CUX1: variants seen among roughly 807,000 people sequenced by gnomAD.
CUX1 encodes the protein cut like homeobox 1, also known as protein CASP.
CUX1 carries 31 observed loss-of-function variants against 158.8 expected under a neutral mutation model. The observed-to-expected ratio is 0.20, with a 90% CI of 0.15 to 0.26. The LOEUF is 0.26. Ranked by LOEUF, CUX1 falls within the 10% of genes least tolerant of loss-of-function variation. The pLI, the probability that CUX1 is intolerant of heterozygous loss-of-function variation, is 1.00. For synonymous variants in CUX1, 879 were observed against 862.1 expected, an observed-to-expected ratio of 1.02 and a Z score of -0.34; for missense variants, 1,589 against 2,014.6, an observed-to-expected ratio of 0.79 and a Z score of 4.04.
Position 101,963,650 on chromosome 7 carries a change from G to GTGTA in CUX1, c.141+47426_141+47427insGTAT, listed in dbSNP as rs541754750. On this transcript the variant is annotated intron_variant, in intron 2 of 23. Coordinates refer to ENST00000292535, the MANE Select transcript of CUX1 (RefSeq NM_181552.4). Reference sequence around the variant, plus strand: ...TTAGTACCTGTCAACACAAGCCTATGTATATATATATATATTTTAAGAGAC... The same window carrying GTGTA: ...TTAGTACCTGTCAACACAAGCCTATGTGTATATATATATATATATTTTAAGAGAC... Among the ~76,000 whole-genome samples the GTGTA allele has an allele frequency of 6.6e-5, 10 of 151,002 alleles. 1 individual carries two copies. The highest frequency in any genetic ancestry group is 2.4e-4 in the African/African-American group (10 of 41,188).
downstream of CUX1, among the ~76,000 whole-genome samples, chr7:102,260,024 G>A (rs1236238322): frequency 4.0e-5 from 6 of 151,824 alleles, no homozygotes; most frequent in African/African-American, 1.2e-4. Context: ...CTGCCCAGGA[G>A]TTCAACGCTG....
rs535546105 is a variant in CUX1, at chr7:102,278,904, G to A, written c.1680+839G>A. ...AAAATACAAAAATTAGCCAGGCATCGTGGCACGTGCCTGTAGTCCCAGCTA... is the reference window on the plus strand; with the variant it reads ...AAAATACAAAAATTAGCCAGGCATCATGGCACGTGCCTGTAGTCCCAGCTA... On this transcript the variant is annotated intron_variant, in intron 18 of 22. Coordinates refer to the CUX1 transcript ENST00000292538. 5.3e-5 allele frequency among the ~76,000 whole-genome samples: 8 copies of A among 151,872 alleles called. No individual in the cohort carries two copies. In the East Asian group the frequency reaches 5.8e-4, roughly 11 times the overall value.
intron 3 of CUX1, among the ~76,000 whole-genome samples, chr7:102,029,708 C>T (rs1820487263): frequency 1.3e-5 from 2 of 152,274 alleles, no homozygotes; most frequent in South Asian, 2.1e-4. Flanking sequence ...CCCCCATGCA[C>T]GTAGCTTGGT....
At chr7:101,827,304 T>C (rs866107046) in intron 1 of CUX1, among the ~76,000 whole-genome samples, 5 of 147,434 alleles carry the variant, frequency 3.4e-5, no homozygotes, top group Non-Finnish European at 6.0e-5. Flanking sequence ...TTTTCTTTTC[T>C]TTTCCTTTCC....
intron 1 of CUX1, among the ~76,000 whole-genome samples, chr7:101,898,691 A>G (rs143216279): frequency 0.023 from 3,487 of 151,120 alleles, 62 homozygotes; most frequent in Non-Finnish European, 0.031. Flanking sequence ...CCCGGGTTCA[A>G]GTGATTCTCC....
intron 1 of CUX1, among the ~76,000 whole-genome samples, chr7:101,881,320 A>G (rs1346028794): frequency 6.6e-6 from 1 of 152,200 alleles, no homozygotes; most frequent in African/African-American, 2.4e-5. Flanking sequence ...CAAGTCAGAC[A>G]AGCTGATTCT....
intron 3 of CUX1, among the ~76,000 whole-genome samples, chr7:102,034,166 A>AAAAAAAAAAAAC (rs1821143454): frequency 6.6e-6 from 1 of 151,074 alleles, no homozygotes; most frequent in Non-Finnish European, 1.5e-5. Flanking sequence ...AAAAAAAAAA[A>AAAAAAAAAAAAC]AGTCAGTCTT....
intron 8 of CUX1, among the ~76,000 whole-genome samples, chr7:102,119,547 TTCA>T (rs1222876917): frequency 6.6e-6 from 1 of 152,242 alleles, no homozygotes; most frequent in African/African-American, 2.4e-5. Flanking sequence ...AGTGTTCTTC[TTCA>T]TGTTTATTAA....
intron 2 of CUX1, among the ~76,000 whole-genome samples, chr7:102,018,999 G>A (rs1819009743): frequency 6.6e-6 from 1 of 152,156 alleles, no homozygotes; most frequent in Admixed American, 6.5e-5. Flanking sequence ...ACCCTGCTTT[G>A]AGGATCGTTG....
chr7:102,208,737 A>G (rs908935937), intron 20 of CUX1, among the ~76,000 whole-genome samples: 3 of 152,126 alleles, frequency 2.0e-5, no homozygotes, highest in Admixed American at 6.5e-5. Context: ...TGTTCTTCCC[A>G]TGGCTACCCC....
rs1563382631 is a variant in CUX1 at position 102,193,829 on chromosome 7, T to C, written c.1077-13T>C. ...AAAATAAATAAAATAACCCCTCTGT[T>C]GTGCTCTTGCAGCATTCTGAAGTCC... On this transcript the variant is annotated splice_polypyrimidine_tract_variant and intron_variant, in intron 12 of 23. Transcript: ENST00000292535. The C allele has an allele frequency of 1.2e-6, 2 of 1,613,562 alleles. No homozygotes were observed. Among genetic ancestry groups the C allele is most frequent in the Non-Finnish European group, 1.7e-6 (2 of 1,179,788 alleles).
intron 3 of CUX1, among the ~76,000 whole-genome samples, chr7:102,041,148 A>G (rs1340699636): frequency 2.0e-5 from 3 of 151,578 alleles, no homozygotes; most frequent in Admixed American, 1.3e-4. Flanking sequence ...AAAAACAAAA[A>G]TAAAAAAATT....
intron 1 of CUX1, among the ~76,000 whole-genome samples, chr7:101,847,841 G>T (rs990750816): frequency 2.0e-5 from 3 of 151,906 alleles, no homozygotes; most frequent in Non-Finnish European, 4.4e-5. Flanking sequence ...GCCAAGGCAG[G>T]CAGATCACCT....
chr7:101,924,471 AGGTG>A (rs2129102036), intron 2 of CUX1, among the ~76,000 whole-genome samples: 1 of 152,258 alleles, frequency 6.6e-6, no homozygotes, highest in African/African-American at 2.4e-5. Context: ...TGGGCGAGTC[AGGTG>A]GTGAAGTGAG....
chr7:102,028,325 G>A (rs971353316), intron 3 of CUX1, among the ~76,000 whole-genome samples, 180 bp downstream of exon 3: 1 of 152,200 alleles, frequency 6.6e-6, no homozygotes, highest in Non-Finnish European at 1.5e-5. Flanking sequence ...TGGGTCCTTG[G>A]TGAAAGCCCT....
chr7:102,036,767 A>C (rs1219117627), intron 3 of CUX1, among the ~76,000 whole-genome samples: 1 of 151,912 alleles, frequency 6.6e-6, no homozygotes, highest in African/African-American at 2.4e-5. Context: ...CAAACAAAAA[A>C]AAAAAAAAAC....
At chr7:101,820,388 T>A (rs2130892311) in intron 1 of CUX1, among the ~76,000 whole-genome samples, 1 of 152,346 alleles carries the variant, frequency 6.6e-6, no homozygotes, top group Non-Finnish European at 1.5e-5. Context: ...GTTTACACAT[T>A]TGTCACATGT....
rs1305862008 is a variant in CUX1 at position 102,216,501 on chromosome 7, TGC to T, written c.3131-10864_3131-10863del. 1.6e-3 allele frequency among the ~76,000 whole-genome samples: 224 copies of T among 135,916 alleles called. 2 individuals carry two copies. Among genetic ancestry groups the T allele is most frequent in the African/African-American group, 6.0e-3 (216 of 35,732 alleles). The allele number at this position is 135,916 out of a possible 152,430, so 89.2% of individuals were successfully genotyped here. On this transcript the variant is annotated intron_variant, in intron 20 of 23. Coordinates refer to ENST00000292535, the MANE Select transcript of CUX1 (RefSeq NM_181552.4). ...TTGAACCCTTGAGAAAAAGAGGGCG[TGC>T]GTGTGTGCGCGCACACACACACTCT...
intron 14 of CUX1, 74 bp from the exon 15 acceptor site, chr7:102,196,560 T>C (rs781899381): frequency 1.8e-4 from 249 of 1,374,682 alleles, no homozygotes; most frequent in East Asian, 6.6e-4. Flanking sequence ...GGGCAAACTT[T>C]TGCATTTTGG....
Sources: gnomAD v4.1 joint callset for allele counts (sites outside exome capture counted in the v4.1 genomes callset) on GRCh38, gnomAD v4.1.1 for gene constraint, MANE v1.5 for transcripts, NCBI Gene and HGNC (gene_info 2026-07-23, HGNC 2026-07-21) for gene names.